The following ADCY9 variants were observed in gnomAD, a reference collection of about 807,000 sequenced individuals.
ADCY9 encodes adenylate cyclase 9, also known as adenylate cyclase type 9.
In ADCY9, 50 loss-of-function variants were observed where a neutral mutation model predicts 101.5. The observed-to-expected ratio is 0.49, with a 90% CI of 0.39 to 0.62. The LOEUF (loss-of-function observed/expected upper bound fraction) is 0.62, where lower values mean the gene tolerates loss of function less well. Among genes scored for constraint, ADCY9 ranks in the 20% least tolerant of loss-of-function variants. The pLI is 0.00. For synonymous variants in ADCY9, 905 were observed against 769.3 expected (o/e 1.18, Z -2.92); for missense variants, 1,662 against 1,800.4 (o/e 0.92, Z 1.39).
chr16:4,097,928 G>A (rs372781931), intron 2 of ADCY9, among the ~76,000 whole-genome samples: 1 of 152,082 alleles, frequency 6.6e-6, no homozygotes, highest in Non-Finnish European at 1.5e-5. Context: ...CCCAGCGCTA[G>A]GAACACAGCA....
chr16:3,987,390 G>A (rs1450710828), intron 6 of ADCY9, among the ~76,000 whole-genome samples: 2 of 152,238 alleles, frequency 1.3e-5, no homozygotes, highest in African/African-American at 2.4e-5. Flanking sequence ...AGTGCAGGGC[G>A]AGAAGCGGCC....
Position 4,037,586 on chromosome 16 carries a change from A to G in ADCY9, c.1694-30028T>C, listed in dbSNP as rs1301029821. ...CTCTGGGTAGATATCTAGTAGTGGG[A>G]TTAATAATAGCCATTGTGCCCAGTA... On this transcript the variant is annotated intron_variant, in intron 2 of 10. Transcript: ENST00000294016. Among the ~76,000 whole-genome samples the G allele has an allele frequency of 7.9e-5, 12 of 152,108 alleles. No individual in the cohort carries two copies. In the East Asian group the frequency reaches 2.3e-3, roughly 29 times the overall value.
At chr16:3,986,165 C>T (rs1343361745) in intron 6 of ADCY9, among the ~76,000 whole-genome samples, 2 of 152,244 alleles carry the variant, frequency 1.3e-5, no homozygotes, top group African/African-American at 4.8e-5. Context: ...ACCCACGCGT[C>T]CATGCCTCAG....
chr16:3,977,457 C>T (rs2056101665), intron 9 of ADCY9, 25 bp downstream of exon 9: 4 of 1,542,924 alleles, frequency 2.6e-6, no homozygotes, highest in Non-Finnish European at 3.5e-6. Context: ...CACCCTGGTG[C>T]CCGCAAGCAG....
chr16:4,066,068 C>A (rs768460134), intron 2 of ADCY9, among the ~76,000 whole-genome samples: 3 of 152,194 alleles, frequency 2.0e-5, no homozygotes, highest in Non-Finnish European at 4.4e-5. Context: ...TCTTAAGGAA[C>A]AGGGGCGCTT....
At chr16:4,103,391 G>C (rs552509203) in intron 2 of ADCY9, among the ~76,000 whole-genome samples, 1 of 152,350 alleles carries the variant, frequency 6.6e-6, no homozygotes, top group Non-Finnish European at 1.5e-5. Flanking sequence ...GTTGACACTT[G>C]CAGTGACAGT....
At chr16:3,989,522 G>C (rs959802212) in intron 5 of ADCY9, among the ~76,000 whole-genome samples, 1 of 152,142 alleles carries the variant, frequency 6.6e-6, no homozygotes, top group Non-Finnish European at 1.5e-5. Context: ...GGGATTACAG[G>C]CGCCTGCCAC....
At chr16:3,957,565 G>C (rs1036926291) in intron 5 of ADCY9, among the ~76,000 whole-genome samples, 1 of 152,172 alleles carries the variant, frequency 6.6e-6, no homozygotes. Context: ...AGGAAGGCAG[G>C]TGTGTCCTTG....
In ADCY9 at chr16:3,992,427, C is replaced by T. The variant is rs946195414; in HGVS notation, c.1990-64G>A. 34 of 1,474,202 alleles carry T rather than the reference C, an allele frequency of 2.3e-5. No individual in the cohort carries two copies. The African/African-American group carries it at 3.1e-4, about 13-fold the overall frequency. 91.3% of individuals were successfully genotyped at this position (1,474,202 alleles called of 1,614,324 possible). A position where few individuals can be genotyped will look rare whatever the true frequency, so the allele number is the denominator to read the frequency against. On this transcript the variant is annotated intron_variant, in intron 4 of 10. Transcript: ENST00000294016. This position sits in a 1 kb window ranked among gnomAD's most constrained non-coding sequence, Gnocchi z 4.2. ...AGTGGCACCGGGCACTGGGCACACA[C>T]GCCTGTCCCACCCCGACCTCCGCTG...
intron 3 of ADCY9, among the ~76,000 whole-genome samples, chr16:4,004,777 G>A (rs556194101): frequency 4.1e-4 from 63 of 152,304 alleles, no homozygotes; most frequent in African/African-American, 1.4e-3. Flanking sequence ...ATTTGGAGAC[G>A]AGGGAACAGC....
intron 2 of ADCY9, among the ~76,000 whole-genome samples, chr16:4,035,998 CAAAAAAAAAAA>C (rs55792873): frequency 0.017 from 393 of 23,172 alleles, 15 homozygotes; most frequent in African/African-American, 0.021. Flanking sequence ...AACTCCATCT[CAAAAAAAAAAA>C]AAAAAAAAAA....
At chr16:4,089,771 T>A (rs1041530142) in intron 2 of ADCY9, among the ~76,000 whole-genome samples, 41 of 151,844 alleles carry the variant, frequency 2.7e-4, no homozygotes, top group African/African-American at 9.9e-4. Flanking sequence ...CTCCAGCAGG[T>A]ACTCCAAAAT....
chr16:4,063,626 C>A (rs1452229906), intron 2 of ADCY9, among the ~76,000 whole-genome samples: 1 of 151,734 alleles, frequency 6.6e-6, no homozygotes, highest in Non-Finnish European at 1.5e-5. Context: ...GTGAGAGAAT[C>A]TCTTGAGCCT....
chr16:4,110,492 C>G (rs891639611), intron 2 of ADCY9, among the ~76,000 whole-genome samples: 1 of 146,712 alleles, frequency 6.8e-6, no homozygotes, highest in Non-Finnish European at 1.5e-5. Context: ...TGGGTTCAAG[C>G]GATTCTTCTG....
downstream of ADCY9, among the ~76,000 whole-genome samples, chr16:3,961,320 G>A (rs536694099): frequency 4.0e-5 from 6 of 151,842 alleles, no homozygotes; most frequent in Admixed American, 6.6e-5. Context: ...ATGGTGTTGC[G>A]CACCTGTAGT....
At chr16:3,978,608 G>T (rs1266705475) in intron 8 of ADCY9, among the ~76,000 whole-genome samples, 1 of 152,252 alleles carries the variant, frequency 6.6e-6, no homozygotes, top group Non-Finnish European at 1.5e-5. Context: ...CCCCAGCCCG[G>T]CCACTGCCCG....
chr16:4,017,421 G>T (rs1390676463), intron 2 of ADCY9, among the ~76,000 whole-genome samples: 1 of 149,716 alleles, frequency 6.7e-6, no homozygotes, highest in African/African-American at 2.4e-5. Flanking sequence ...GAGGCGGGGG[G>T]TTGCTTGAGG....
chr16:4,087,936 CT>C (rs932778364), intron 2 of ADCY9, among the ~76,000 whole-genome samples: 4 of 143,226 alleles, frequency 2.8e-5, no homozygotes, highest in Middle Eastern at 3.4e-3. Context: ...CTTTCTTCTT[CT>C]TTTTTTTTGT....
At chr16:3,979,908 C>G (rs1336512561) in intron 7 of ADCY9, among the ~76,000 whole-genome samples, 4 of 152,272 alleles carry the variant, frequency 2.6e-5, no homozygotes, top group Non-Finnish European at 5.9e-5. Flanking sequence ...TGTGGTGGTG[C>G]TGACACACCC....
Sources: gnomAD v4.1 joint callset for allele counts (sites outside exome capture counted in the v4.1 genomes callset) on GRCh38, gnomAD v4.1.1 for gene constraint, Gnocchi (gnomAD v3.1) non-coding constraint, MANE v1.5 for transcripts, NCBI Gene and HGNC (gene_info 2026-07-23, HGNC 2026-07-21) for gene names.